Variants in UBASH3B observed in about 807,000 individuals in gnomAD.
UBASH3B encodes the protein ubiquitin-associated and SH3 domain-containing protein B.
In UBASH3B, 37 loss-of-function variants were observed where a neutral mutation model predicts 83.4. The observed-to-expected ratio is 0.44, with a 90% CI of 0.34 to 0.58. UBASH3B has a LOEUF of 0.58. Among genes scored for constraint, UBASH3B ranks in the 20% least tolerant of loss-of-function variants. UBASH3B has a pLI of 0.01. For synonymous variants in UBASH3B, 304 were observed against 318.3 expected, an observed-to-expected ratio of 0.96 and a Z score of 0.48; for missense variants, 657 against 827.2, an observed-to-expected ratio of 0.79 and a Z score of 2.52.
At chr11:122,746,178 AG>A (rs1303062936) in intron 1 of UBASH3B, among the ~76,000 whole-genome samples, 4 of 152,198 alleles carry the variant, frequency 2.6e-5, no homozygotes, top group African/African-American at 4.8e-5. Flanking sequence ...GACCATGCAA[AG>A]GATAGTGTTT....
chr11:122,732,687 C>T (rs35891484), intron 1 of UBASH3B, among the ~76,000 whole-genome samples: 47,411 of 152,124 alleles, frequency 0.31, 8,857 homozygotes, highest in Middle Eastern at 0.49. Flanking sequence ...ACCCATCTTT[C>T]CACCCCCAAC....
At chr11:122,741,914 G>T (rs112039195) in intron 1 of UBASH3B, among the ~76,000 whole-genome samples, 30 of 152,094 alleles carry the variant, frequency 2.0e-4, no homozygotes, top group Admixed American at 2.6e-4. Flanking sequence ...GTCCAACCCC[G>T]CTAGGAGGAC....
chr11:122,740,941 G>A (rs1861013374), intron 1 of UBASH3B, among the ~76,000 whole-genome samples: 1 of 152,176 alleles, frequency 6.6e-6, no homozygotes, highest in African/African-American at 2.4e-5. Context: ...TACATAAAAT[G>A]GGGACTGAGG....
At chr11:122,769,477 G>A (rs749791689) in intron 1 of UBASH3B, among the ~76,000 whole-genome samples, 3 of 152,148 alleles carry the variant, frequency 2.0e-5, no homozygotes, top group African/African-American at 4.8e-5. Flanking sequence ...AATTATGATA[G>A]ACTCCCTTAT....
At chr11:122,803,288 C>A (rs1042212626) in intron 11 of UBASH3B, among the ~76,000 whole-genome samples, 2 of 152,096 alleles carry the variant, frequency 1.3e-5, no homozygotes, top group African/African-American at 4.8e-5. Context: ...TTAATGATGC[C>A]AAATGGACAA....
At chr11:122,778,998 CTAAT>C (rs1860795514) in intron 3 of UBASH3B, among the ~76,000 whole-genome samples, 1 of 152,192 alleles carries the variant, frequency 6.6e-6, no homozygotes, top group South Asian at 2.1e-4. Flanking sequence ...CTAAATCAAG[CTAAT>C]TGTACATGCA....
intron 1 of UBASH3B, among the ~76,000 whole-genome samples, chr11:122,676,326 C>T (rs946850376): frequency 9.2e-5 from 14 of 151,998 alleles, no homozygotes; most frequent in South Asian, 2.1e-4. Flanking sequence ...GTTTACCTGA[C>T]GTCAGGAGTT....
intron 1 of UBASH3B, among the ~76,000 whole-genome samples, chr11:122,733,174 C>A (rs1291806688): frequency 6.6e-6 from 1 of 152,142 alleles, no homozygotes; most frequent in Non-Finnish European, 1.5e-5. Context: ...GCTTCATACA[C>A]AGCAGAGAAT....
intron 1 of UBASH3B, among the ~76,000 whole-genome samples, chr11:122,671,264 G>A (rs1179061380): frequency 2.6e-5 from 4 of 152,030 alleles, no homozygotes; most frequent in Non-Finnish European, 5.9e-5. Context: ...AGTGGCTCAC[G>A]CCTATAATCC....
At chr11:122,791,182 C>G (rs531102787) in intron 6 of UBASH3B, among the ~76,000 whole-genome samples, 1 of 152,312 alleles carries the variant, frequency 6.6e-6, no homozygotes, top group South Asian at 2.1e-4. Flanking sequence ...GCTTCCACAG[C>G]CAACCCTGCT....
At chr11:122,745,158 T>C (rs1046467481) in intron 1 of UBASH3B, among the ~76,000 whole-genome samples, 1 of 152,204 alleles carries the variant, frequency 6.6e-6, no homozygotes, top group African/African-American at 2.4e-5. Context: ...TCAGCTTGTA[T>C]CTTTTTTTTC....
At chr11:122,790,097 A>G (rs117849631) in intron 6 of UBASH3B, among the ~76,000 whole-genome samples, 124 of 152,302 alleles carry the variant, frequency 8.1e-4, no homozygotes, top group Admixed American at 4.1e-3. Context: ...TTTTTCTCCC[A>G]CTTGTTTTTG....
intron 13 of UBASH3B, among the ~76,000 whole-genome samples, chr11:122,809,379 G>A (rs1037751301): frequency 2.0e-5 from 3 of 152,164 alleles, no homozygotes. Flanking sequence ...CCGGCCTTGA[G>A]CTGCCTTTTT....
At chr11:122,780,656 G>A (rs879304913) in intron 4 of UBASH3B, among the ~76,000 whole-genome samples, 3 of 152,188 alleles carry the variant, frequency 2.0e-5, no homozygotes, top group African/African-American at 7.2e-5. Context: ...CTACCTTCAC[G>A]GAAGGAAGGA....
intron 2 of UBASH3B, 119 bp from the exon 3 acceptor site, chr11:122,776,905 C>A (rs1860744361): frequency 3.3e-6 from 3 of 913,710 alleles, no homozygotes; most frequent in East Asian, 2.9e-5. Flanking sequence ...TGAATGAAAA[C>A]CCTTCCCCGC....
Position 122,809,869 on chromosome 11 carries a change from A to G in UBASH3B, c.1933A>G (p.Thr645Ala). 3 of 1,614,086 alleles carry G rather than the reference A, an allele frequency of 1.9e-6. No homozygotes were observed. The highest frequency in any genetic ancestry group is 2.5e-6 in the Non-Finnish European group (3 of 1,179,998). The change falls in exon 14 of 14, where the codon ACC (threonine) becomes GCC (alanine). Residue 645 changes from threonine (T) to alanine (A), a missense_variant. By Grantham distance (58) the Thr-to-Ala change is moderately conservative. Coordinates refer to ENST00000284273, the MANE Select transcript of UBASH3B (RefSeq NM_032873.5). Reference protein sequence around the residue: ...GPTGGFNWRETLLQE With the variant: ...GPTGGFNWREALLQE ...AACTGGGGGCTTCAACTGGAGAGAG[A>G]CCTTGCTTCAAGAATAAACCACACC...
At chr11:122,795,819 C>G (rs1025373729) in intron 7 of UBASH3B, among the ~76,000 whole-genome samples, 1 of 152,218 alleles carries the variant, frequency 6.6e-6, no homozygotes, top group African/African-American at 2.4e-5. Context: ...AGATGGCTCT[C>G]TCTACATGAA....
intron 1 of UBASH3B, among the ~76,000 whole-genome samples, chr11:122,672,585 C>A (rs998400028): frequency 3.9e-5 from 6 of 152,310 alleles, no homozygotes; most frequent in African/African-American, 9.6e-5. Flanking sequence ...TTCGGCCTCC[C>A]AAAGTGCTGG....
intron 1 of UBASH3B, among the ~76,000 whole-genome samples, chr11:122,745,768 C>T (rs1372127958): frequency 6.6e-6 from 1 of 152,188 alleles, no homozygotes; most frequent in Non-Finnish European, 1.5e-5. Flanking sequence ...CCCGCTGTTC[C>T]GTCACTCTTG....
Sources: allele counts gnomAD v4.1 joint callset (sites outside exome capture counted in the v4.1 genomes callset), GRCh38; gene constraint gnomAD v4.1.1; transcripts MANE v1.5; gene names NCBI Gene and HGNC (gene_info 2026-07-23, HGNC 2026-07-21).